The following DNER variants were observed in gnomAD, a reference collection of about 807,000 sequenced individuals.
The protein encoded by DNER is delta and Notch-like epidermal growth factor-related receptor.
A neutral mutation model predicts 78.2 loss-of-function variants in DNER; 33 were observed. That is an observed-to-expected ratio of 0.42 (90% CI 0.32 to 0.56). DNER has a LOEUF of 0.56. DNER is among the 20% of genes least tolerant of loss of function. DNER has a pLI of 0.11. For synonymous variants in DNER, 417 were observed against 384.8 expected, an observed-to-expected ratio of 1.08 and a Z score of -0.98; for missense variants, 918 against 975.3, an observed-to-expected ratio of 0.94 and a Z score of 0.78.
At chr2:229,366,094 TG>T (rs1193331368) in intron 12 of DNER, among the ~76,000 whole-genome samples, 1 of 152,220 alleles carries the variant, frequency 6.6e-6, no homozygotes, top group Non-Finnish European at 1.5e-5. Flanking sequence ...GGTGATGGGT[TG>T]ATCTGTGCAG....
At chr2:229,421,903 A>C (rs1489181398) in intron 8 of DNER, among the ~76,000 whole-genome samples, 2 of 152,172 alleles carry the variant, frequency 1.3e-5, no homozygotes, top group East Asian at 3.9e-4. Context: ...TGGCATTTAA[A>C]TAGACAAAAA....
intron 1 of DNER, among the ~76,000 whole-genome samples, chr2:229,673,392 T>C (rs543144149): frequency 3.7e-4 from 56 of 152,302 alleles, no homozygotes; most frequent in Middle Eastern, 3.4e-3. Flanking sequence ...GAAACCAACG[T>C]GGCCCCTTCC....
rs937525337 is a variant in DNER at position 229,714,494 on chromosome 2, G to A, written c.-71C>T. ...GCGGCGGCGGTGGCAGTGGCGACGA[G>A]AGCTGCGAGAGCGACGGTGGCGGCT... On this transcript the variant is annotated 5_prime_UTR_variant, in exon 1 of 13. Coordinates refer to ENST00000341772, the MANE Select transcript of DNER (RefSeq NM_139072.4). 8 of 1,077,502 alleles carry A rather than the reference G, an allele frequency of 7.4e-6. No individual in the cohort carries two copies. In the African/African-American group the frequency reaches 1.4e-4, roughly 18 times the overall value. 66.7% of individuals were successfully genotyped at this position (1,077,502 alleles called of 1,614,324 possible).
intron 6 of DNER, among the ~76,000 whole-genome samples, chr2:229,492,619 A>C (rs73103762): frequency 2.0e-5 from 3 of 152,220 alleles, no homozygotes; most frequent in Admixed American, 2.0e-4. Context: ...CTTCACACAG[A>C]GGTGAGTTCT....
chr2:229,458,578 G>C (rs1437749144), intron 7 of DNER, among the ~76,000 whole-genome samples: 1 of 151,570 alleles, frequency 6.6e-6, no homozygotes, highest in East Asian at 1.9e-4. Context: ...TTTTTAAGAA[G>C]AAAGAAAAAC....
At chr2:229,649,826 G>C (rs942901933) in intron 1 of DNER, among the ~76,000 whole-genome samples, 1 of 152,158 alleles carries the variant, frequency 6.6e-6, no homozygotes, top group Non-Finnish European at 1.5e-5. Flanking sequence ...TGTAATCCCA[G>C]CACTTTGGGA....
At chr2:229,550,690 C>T (rs1437466735) in intron 4 of DNER, among the ~76,000 whole-genome samples, 1 of 152,012 alleles carries the variant, frequency 6.6e-6, no homozygotes, top group African/African-American at 2.4e-5. Context: ...GCAGGGGAAT[C>T]GCTTGAACCG....
At chr2:229,603,191 T>C (rs761509474) in intron 1 of DNER, among the ~76,000 whole-genome samples, 7 of 152,148 alleles carry the variant, frequency 4.6e-5, no homozygotes, top group Non-Finnish European at 7.4e-5. Context: ...GTAGATCCAA[T>C]TGAAAGGTAA....
At chr2:229,589,761 A>T (rs1697566801) in intron 2 of DNER, among the ~76,000 whole-genome samples, 2 of 152,238 alleles carry the variant, frequency 1.3e-5, no homozygotes, top group African/African-American at 4.8e-5. Context: ...ACATTCAAGA[A>T]CTGAGTCATC....
chr2:229,569,462 C>A (rs571443035), intron 4 of DNER, among the ~76,000 whole-genome samples: 81 of 152,174 alleles, frequency 5.3e-4, no homozygotes, highest in African/African-American at 1.8e-3. Flanking sequence ...GCAGAGGTTG[C>A]AGTGAGCCAA....
In DNER at chr2:229,705,345, A is replaced by G. The variant is rs549457700; in HGVS notation, c.276+8803T>C. Among the ~76,000 whole-genome samples, 10 of 152,366 alleles carry G rather than the reference A, an allele frequency of 6.6e-5. No homozygotes were observed. The East Asian group carries it at 1.9e-3, about 29-fold the overall frequency. On this transcript the variant is annotated intron_variant, in intron 1 of 12. Transcript: ENST00000341772. ...TCAGGAACTGTGAGCAAAAGATAGC[A>G]GACACGTTTCTATTTCCAAGCGCCT...
intron 1 of DNER, among the ~76,000 whole-genome samples, chr2:229,657,109 C>T (rs1450394618): frequency 6.6e-6 from 1 of 152,018 alleles, no homozygotes; most frequent in East Asian, 1.9e-4. Context: ...AATCCCAGAA[C>T]TTATTCATCT....
intron 8 of DNER, among the ~76,000 whole-genome samples, chr2:229,432,877 G>C (rs1331798589): frequency 6.6e-6 from 1 of 152,114 alleles, no homozygotes; most frequent in East Asian, 1.9e-4. Flanking sequence ...GAAATGGTAG[G>C]GGTTGTCCAA....
intron 1 of DNER, among the ~76,000 whole-genome samples, chr2:229,632,149 A>T (rs1037878175): frequency 6.6e-6 from 1 of 152,238 alleles, no homozygotes; most frequent in African/African-American, 2.4e-5. Context: ...CTTTTAGCTG[A>T]TAAGGATGAG....
At chr2:229,503,073 C>T (rs929018791) in intron 6 of DNER, among the ~76,000 whole-genome samples, 2 of 152,164 alleles carry the variant, frequency 1.3e-5, no homozygotes, top group African/African-American at 4.8e-5. Flanking sequence ...TACAATGGTC[C>T]TTGTACTAGG....
chr2:229,657,701 C>T (rs1217769035), intron 1 of DNER, among the ~76,000 whole-genome samples: 1 of 152,170 alleles, frequency 6.6e-6, no homozygotes, highest in Non-Finnish European at 1.5e-5. Context: ...GGAAACATGA[C>T]CTCTTTCAAC....
At chr2:229,570,530 G>A (rs1317728766) in intron 4 of DNER, among the ~76,000 whole-genome samples, 1 of 152,094 alleles carries the variant, frequency 6.6e-6, no homozygotes, top group Non-Finnish European at 1.5e-5. Context: ...GGGAGGCTGA[G>A]GCAGGAGAAT....
intron 1 of DNER, among the ~76,000 whole-genome samples, chr2:229,684,746 C>T (rs1042158720): frequency 6.6e-6 from 1 of 152,172 alleles, no homozygotes; most frequent in African/African-American, 2.4e-5. Context: ...CCTGGCTGTA[C>T]TTTCTACCAT....
intron 4 of DNER, among the ~76,000 whole-genome samples, chr2:229,555,882 A>G (rs1470657574): frequency 6.6e-6 from 1 of 152,230 alleles, no homozygotes; most frequent in Non-Finnish European, 1.5e-5. Flanking sequence ...TATTCCAAGT[A>G]ACACTTTTAC....
Sources: gnomAD v4.1 joint callset for allele counts (sites outside exome capture counted in the v4.1 genomes callset) on GRCh38, gnomAD v4.1.1 for gene constraint, MANE v1.5 for transcripts, NCBI Gene and HGNC (gene_info 2026-07-23, HGNC 2026-07-21) for gene names.